TNPO2: variants seen among roughly 807,000 people sequenced by gnomAD.
The protein encoded by TNPO2 is transportin 2.
A neutral mutation model predicts 111.1 loss-of-function variants in TNPO2; 16 were observed. The observed-to-expected ratio is 0.14, with a 90% CI of 0.10 to 0.22. TNPO2 has a LOEUF of 0.22. Among genes scored for constraint, TNPO2 ranks in the 10% least tolerant of loss-of-function variants. The probability of loss-of-function intolerance (pLI) is 1.00; values close to 1 mark genes in which losing one functional copy is unlikely to be tolerated. For missense variants in TNPO2, 530 were observed against 1,173.7 expected (o/e 0.45, Z 8.01); for synonymous variants, 481 against 475.8 (o/e 1.01, Z -0.14).
chr19:12,721,821 G>C lies in TNPO2; in HGVS notation c.-13-831C>G, dbSNP rs942283026. The C allele has an allele frequency of 6.5e-6, 1 of 153,902 alleles. No individual in the cohort carries two copies. The allele number at this position is 153,902 out of a possible 1,614,324, so 9.5% of individuals were successfully genotyped here. On this transcript the variant is annotated intron_variant, in intron 2 of 25. Transcript: ENST00000425528. This position sits in a 1 kb window ranked among gnomAD's most constrained non-coding sequence, Gnocchi z 4.9. ...TCCGACCCTGTCAGCAGTAACCCCT[G>C]CTGACGGATCTCTGTTGCCTCTCCC...
At chr19:12,709,411 C>T (rs1223232765) in intron 13 of TNPO2, among the ~76,000 whole-genome samples, 1 of 145,966 alleles carries the variant, frequency 6.9e-6, no homozygotes, top group Non-Finnish European at 1.5e-5. Context: ...CATATGTAAG[C>T]GTATTGTGTG....
chr19:12,721,225 G>A lies in TNPO2; in HGVS notation c.-13-235C>T, dbSNP rs1966913552. On this transcript the variant is annotated intron_variant, in intron 2 of 25. Transcript: ENST00000425528. This position sits in a 1 kb window ranked among gnomAD's most constrained non-coding sequence, Gnocchi z 4.9. ...GGGGATGTGGAAACGGGCCACAGGC[G>A]GCGGCGGCGGGGCCCGGCGGATCCT... 2 of 1,330,866 alleles carry A rather than the reference G, an allele frequency of 1.5e-6. No homozygotes were observed. The highest frequency in any genetic ancestry group is 3.2e-5 in the African/African-American group (2 of 63,444). The allele number at this position is 1,330,866 out of a possible 1,614,324, so 82.4% of individuals were successfully genotyped here.
chr19:12,711,039 C>T (rs539959445), intron 12 of TNPO2, among the ~76,000 whole-genome samples: 1 of 152,258 alleles, frequency 6.6e-6, no homozygotes, highest in African/African-American at 2.4e-5. Flanking sequence ...GGACTACAGG[C>T]GCCCGACACC....
In TNPO2 at chr19:12,702,050, G is replaced by C. The variant is rs371704435; in HGVS notation, c.2411+22C>G. ...GGCCAGTCCCGCCCACCACACAGCA[G>C]GCTTGACACGTGGACACACACCAAG... On this transcript the variant is annotated intron_variant, in intron 22 of 25. Coordinates refer to ENST00000425528, the MANE Select transcript of TNPO2 (RefSeq NM_001382241.1). The surrounding 1 kb of genome is among the most constrained non-coding windows in gnomAD (Gnocchi z 5.5). The C allele has an allele frequency of 1.3e-5, 21 of 1,610,028 alleles. No individual in the cohort carries two copies. In the African/African-American group the frequency reaches 2.8e-4, roughly 21 times the overall value.
In TNPO2 at chr19:12,719,713, C is replaced by T. The variant is rs900146420; in HGVS notation, c.100-377G>A. On this transcript the variant is annotated intron_variant, in intron 3 of 25. Transcript: ENST00000425528. The surrounding 1 kb of genome is among the most constrained non-coding windows in gnomAD (Gnocchi z 5.0). ...ACTTGGGAGGCTGACGCAGGGGAATCGCTTGAACCCAGCAGGTGAAGGTTG... is the reference window on the plus strand; with the variant it reads ...ACTTGGGAGGCTGACGCAGGGGAATTGCTTGAACCCAGCAGGTGAAGGTTG... Among the ~76,000 whole-genome samples, 12 of 151,890 alleles carry T rather than the reference C, an allele frequency of 7.9e-5. No individual in the cohort carries two copies. Among genetic ancestry groups the T allele is most frequent in the Non-Finnish European group, 1.5e-4 (10 of 67,986 alleles).
chr19:12,712,483 C>T (rs959185568), intron 10 of TNPO2, among the ~76,000 whole-genome samples: 3 of 152,228 alleles, frequency 2.0e-5, no homozygotes, highest in Admixed American at 2.0e-4. Context: ...CACTCCTAGT[C>T]TGCCTTCATG....
At chr19:12,711,704 A>C in intron 10 of TNPO2, 91 bp from the exon 11 acceptor site, 1 of 1,102,132 alleles carries the variant, frequency 9.1e-7, no homozygotes, top group South Asian at 1.3e-5. Context: ...ACAGGTGCCA[A>C]CAGAGTGACC....
intron 3 of TNPO2, among the ~76,000 whole-genome samples, chr19:12,720,654 TAG>T: frequency 1.3e-5 from 2 of 152,166 alleles, no homozygotes; most frequent in Non-Finnish European, 2.9e-5. Context: ...GAGTAGATGC[TAG>T]CGTTCGATGA....
chr19:12,701,980 A>G lies in TNPO2; in HGVS notation c.2411+92T>C, dbSNP rs2025338237. ...TGGGGGTGGGGCAGGGCAGGGAGTC[A>G]GTAGGCAGATGGGGCTGGAAATGCA... On this transcript the variant is annotated intron_variant, in intron 22 of 25. Coordinates refer to ENST00000425528, the MANE Select transcript of TNPO2 (RefSeq NM_001382241.1). This position sits in a 1 kb window ranked among gnomAD's most constrained non-coding sequence, Gnocchi z 5.0. 1.4e-6 allele frequency: 2 copies of G among 1,431,890 alleles called. No individual in the cohort carries two copies. The highest frequency in any genetic ancestry group is 2.0e-6 in the Non-Finnish European group (2 of 1,016,770). The allele number at this position is 1,431,890 out of a possible 1,614,324, so 88.7% of individuals were successfully genotyped here.
rs935792468 is a variant in TNPO2, at chr19:12,699,214, G to C, written c.*2050C>G. 4.1e-5 allele frequency: 17 copies of C among 417,290 alleles called. No homozygotes were observed. Among genetic ancestry groups the C allele is most frequent in the African/African-American group, 3.6e-4 (17 of 47,700 alleles). The allele number at this position is 417,290 out of a possible 1,614,324, so 25.8% of individuals were successfully genotyped here. On this transcript the variant is annotated 3_prime_UTR_variant, in exon 26 of 26. Transcript: ENST00000425528. ...CAGACTAAGGAGTTCACAAGAAACT[G>C]ATCTTTACTCAACAAAGTTCTACAC... is the stretch of plus-strand genomic sequence containing the variant.
rs1599403684 is a variant in TNPO2, at chr19:12,701,549, C to T, written c.2586+49G>A. The T allele has an allele frequency of 6.2e-7, 1 of 1,608,580 alleles. No individual in the cohort carries two copies. Among genetic ancestry groups the T allele is most frequent in the South Asian group, 1.1e-5 (1 of 90,966 alleles). Reference sequence around the variant, plus strand: ...AGGCCCCATTGTTACCAGATGGTCTCACCCCTGCCTGCTCCCGGAACTAGA... The same window carrying T: ...AGGCCCCATTGTTACCAGATGGTCTTACCCCTGCCTGCTCCCGGAACTAGA... On this transcript the variant is annotated intron_variant, in intron 24 of 25. Transcript: ENST00000425528. The surrounding 1 kb of genome is among the most constrained non-coding windows in gnomAD (Gnocchi z 5.0).
At chr19:12,704,425 C>T (rs1329097952) in intron 18 of TNPO2, among the ~76,000 whole-genome samples, 1 of 152,206 alleles carries the variant, frequency 6.6e-6, no homozygotes, top group Non-Finnish European at 1.5e-5. Context: ...CACCTATGCA[C>T]ATTCTCCTGT....
At chr19:12,716,895 C>T (rs1338377315) in intron 5 of TNPO2, among the ~76,000 whole-genome samples, 1 of 152,058 alleles carries the variant, frequency 6.6e-6, no homozygotes, top group Non-Finnish European at 1.5e-5. Flanking sequence ...GGCGTAAGGA[C>T]AGGCATGATG....
intron 5 of TNPO2, among the ~76,000 whole-genome samples, chr19:12,716,842 G>A (rs1461684645): frequency 1.3e-5 from 2 of 152,104 alleles, no homozygotes; most frequent in Admixed American, 6.6e-5. Flanking sequence ...AGGTTTCTGG[G>A]GAAAGGGCAT....
chr19:12,722,561 TAAAAAAAAAAAA>T (rs751028490), intron 2 of TNPO2: 3 of 40,908 alleles, frequency 7.3e-5, no homozygotes, highest in African/African-American at 1.7e-4. Context: ...GAGAGAGAAT[TAAAAAAAAAAAA>T]AAAAAAAAAA....
Position 12,702,491 on chromosome 19 carries a change from C to G in TNPO2, c.2306-314G>C, listed in dbSNP as rs1269863369. 1 of 552,248 alleles carries G rather than the reference C, an allele frequency of 1.8e-6. No homozygotes were observed. Among genetic ancestry groups the G allele is most frequent in the African/African-American group, 1.9e-5 (1 of 52,340 alleles). The allele number at this position is 552,248 out of a possible 1,614,324, so 34.2% of individuals were successfully genotyped here. ...CTCATTGCAACCTGCCTCAGCCTCC[C>G]GAGTAGCTGGGATTGCAGGCACGTG... On this transcript the variant is annotated intron_variant, in intron 21 of 25. Transcript: ENST00000425528. The surrounding 1 kb of genome is among the most constrained non-coding windows in gnomAD (Gnocchi z 5.5).
intron 5 of TNPO2, among the ~76,000 whole-genome samples, chr19:12,717,381 C>G (rs2026424245): frequency 6.6e-6 from 1 of 151,450 alleles, no homozygotes; most frequent in Admixed American, 6.6e-5. Flanking sequence ...AGGTAATTCC[C>G]CTGCCTCAGC....
intron 12 of TNPO2, among the ~76,000 whole-genome samples, chr19:12,711,019 C>T (rs1023952979): frequency 1.3e-5 from 2 of 152,270 alleles, no homozygotes; most frequent in Non-Finnish European, 2.9e-5. Flanking sequence ...CTCAGCCTCC[C>T]GAGTAGCTGG....
In TNPO2 at chr19:12,711,316, G is replaced by GCAT. The variant is rs767429210; in HGVS notation, c.1094_1096dup (p.Asp365dup). 1.2e-6 allele frequency: 2 copies of GCAT among 1,613,764 alleles called. No homozygotes were observed. The highest frequency in any genetic ancestry group is 4.5e-5 in the East Asian group (2 of 44,886). On this transcript the variant is annotated inframe_insertion, in exon 12 of 26. Coordinates refer to ENST00000425528, the MANE Select transcript of TNPO2 (RefSeq NM_001382241.1). ...CACACTCAAATTCCAGTCGGACAGA[G>GCAT]CATCATCATCATCGTCATCCTCCGC... is the stretch of plus-strand genomic sequence containing the variant.
Sources: allele counts gnomAD v4.1 joint callset (sites outside exome capture counted in the v4.1 genomes callset), GRCh38; gene constraint gnomAD v4.1.1; non-coding constraint Gnocchi (gnomAD v3.1); transcripts MANE v1.5; gene names NCBI Gene and HGNC (gene_info 2026-07-23, HGNC 2026-07-21).